Variants in TTLL5 observed in about 807,000 individuals in gnomAD.
The protein encoded by TTLL5 is tubulin polyglutamylase TTLL5.
Under a neutral mutation model 168.4 loss-of-function variants are expected in TTLL5, and 132 were observed. That is an observed-to-expected ratio of 0.78 (90% CI 0.68 to 0.91). The LOEUF is 0.91. Ranked by LOEUF, TTLL5 falls within the 40% of genes least tolerant of loss-of-function variation. TTLL5 has a pLI of 0.00. For synonymous variants in TTLL5, 546 were observed against 558.6 expected (o/e 0.98, Z 0.32); for missense variants, 1,545 against 1,581.5 (o/e 0.98, Z 0.39).
chr14:75,921,511 G>T (rs962987071), intron 31 of TTLL5, among the ~76,000 whole-genome samples: 1 of 152,132 alleles, frequency 6.6e-6, no homozygotes, highest in Non-Finnish European at 1.5e-5. Flanking sequence ...TTTTTGTCAG[G>T]TTTGTCAAAG....
chr14:75,759,512 T>C (rs145396332), intron 18 of TTLL5, among the ~76,000 whole-genome samples: 106 of 152,244 alleles, frequency 7.0e-4, no homozygotes, highest in African/African-American at 2.3e-3. Flanking sequence ...GAAGGGACAC[T>C]TCCCAGTTCA....
At chr14:75,799,676 C>A (rs183403355) in intron 27 of TTLL5, among the ~76,000 whole-genome samples, 196 of 152,246 alleles carry the variant, frequency 1.3e-3, no homozygotes, top group African/African-American at 4.6e-3. Flanking sequence ...GTGGCTAATT[C>A]TCTCAGCATT....
chr14:75,695,699 G>A (rs1355245653), intron 6 of TTLL5, among the ~76,000 whole-genome samples: 2 of 152,044 alleles, frequency 1.3e-5, no homozygotes, highest in East Asian at 3.9e-4. Flanking sequence ...TGAAATATTG[G>A]GGGTGGTTCC....
intron 26 of TTLL5, 57 bp from the exon 27 acceptor site, chr14:75,792,859 A>C: frequency 6.8e-7 from 1 of 1,464,796 alleles, no homozygotes; most frequent in South Asian, 1.5e-5. Flanking sequence ...TCATTATCCT[A>C]ATTTTTTTCA....
At chr14:75,672,172 T>G (rs572207648) in intron 3 of TTLL5, among the ~76,000 whole-genome samples, 1 of 152,332 alleles carries the variant, frequency 6.6e-6, no homozygotes, top group East Asian at 1.9e-4. Context: ...ACTTTTTGTG[T>G]CTTGAACCTC....
chr14:75,898,322 C>T (rs572169467), intron 30 of TTLL5, among the ~76,000 whole-genome samples: 17 of 152,316 alleles, frequency 1.1e-4, no homozygotes, highest in African/African-American at 3.8e-4. Context: ...GGGCATCCCA[C>T]TGCACTCTTA....
chr14:75,794,595 C>T (rs563338744), intron 27 of TTLL5, among the ~76,000 whole-genome samples: 44 of 152,276 alleles, frequency 2.9e-4, no homozygotes, highest in African/African-American at 1.0e-3. Context: ...GGGAAGTCAT[C>T]CCCCTTCAGT....
intron 27 of TTLL5, among the ~76,000 whole-genome samples, chr14:75,804,791 G>A (rs1351793353): frequency 1.3e-5 from 2 of 152,204 alleles, no homozygotes; most frequent in African/African-American, 4.8e-5. Flanking sequence ...GTAAAATGGG[G>A]TAGTTTTGGT....
chr14:75,933,545 C>T (rs1483217169), intron 31 of TTLL5, among the ~76,000 whole-genome samples: 1 of 152,226 alleles, frequency 6.6e-6, no homozygotes, highest in Admixed American at 6.5e-5. Flanking sequence ...CTCAAGGTCT[C>T]TCATGAAGTT....
chr14:75,822,579 T>A (rs1894891416), intron 28 of TTLL5, among the ~76,000 whole-genome samples: 1 of 152,202 alleles, frequency 6.6e-6, no homozygotes, highest in South Asian at 2.1e-4. Context: ...TCTCTGCATG[T>A]CAGAGAATTC....
chr14:75,940,378 C>T (rs1048804948), intron 31 of TTLL5, among the ~76,000 whole-genome samples: 1 of 151,894 alleles, frequency 6.6e-6, no homozygotes, highest in Admixed American at 6.6e-5. Context: ...CGCGCCCGGC[C>T]GAAATTAAAT....
chr14:75,807,546 A>T (rs1893728934), intron 27 of TTLL5, among the ~76,000 whole-genome samples: 1 of 152,260 alleles, frequency 6.6e-6, no homozygotes, highest in Admixed American at 6.5e-5. Flanking sequence ...AGGACTTTAT[A>T]TGCATTATCT....
At chr14:75,805,047 G>A (rs1893569667) in intron 27 of TTLL5, among the ~76,000 whole-genome samples, 1 of 152,048 alleles carries the variant, frequency 6.6e-6, no homozygotes, top group Non-Finnish European at 1.5e-5. Flanking sequence ...GTTGGCTCTA[G>A]TCTCCCTTCT....
At chr14:75,919,842 C>T (rs1023080571) in intron 31 of TTLL5, among the ~76,000 whole-genome samples, 2 of 151,846 alleles carry the variant, frequency 1.3e-5, no homozygotes, top group African/African-American at 4.8e-5. Flanking sequence ...AAGGACAAAC[C>T]GGGTGCAGTG....
At chr14:75,672,475 C>T (rs1883825498) in intron 3 of TTLL5, among the ~76,000 whole-genome samples, 1 of 151,878 alleles carries the variant, frequency 6.6e-6, no homozygotes, top group South Asian at 2.1e-4. Flanking sequence ...GAACTCCTGA[C>T]CTCATGATCC....
Position 75,681,092 on chromosome 14 carries a change from GA to G in TTLL5, c.182-450del, listed in dbSNP as rs201325751. ...ATATAGTAATCAGAATATTTTTTAAGAAATTGTGACATGTGCTTTTTTATTA... is the reference window on the plus strand; with the variant it reads ...ATATAGTAATCAGAATATTTTTTAAGAATTGTGACATGTGCTTTTTTATTA... On this transcript the variant is annotated intron_variant, in intron 3 of 31. Transcript: ENST00000298832. Among the ~76,000 whole-genome samples, 1,504 of 152,280 alleles carry G rather than the reference GA, an allele frequency of 9.9e-3. 26 individuals are homozygous for G. Among genetic ancestry groups the G allele is most frequent in the African/African-American group, 0.035 (1,449 of 41,554 alleles).
chr14:75,888,586 G>A lies in TTLL5; in HGVS notation c.3740+5684G>A, dbSNP rs144342546. ...CTTCTTTAAGGATGAGCAAATACTG[G>A]AATATCTTGGGGCCTGGCAATAGGT... On this transcript the variant is annotated intron_variant, in intron 30 of 31. Coordinates refer to ENST00000298832, the MANE Select transcript of TTLL5 (RefSeq NM_015072.5). Among the ~76,000 whole-genome samples the A allele has an allele frequency of 2.7e-3, 410 of 152,228 alleles. 2 individuals carry two copies. Among genetic ancestry groups the A allele is most frequent in the Admixed American group, 5.1e-3 (78 of 15,298 alleles).
At chr14:75,786,912 C>T (rs1234354233) in intron 26 of TTLL5, among the ~76,000 whole-genome samples, 5 of 152,118 alleles carry the variant, frequency 3.3e-5, no homozygotes, top group Non-Finnish European at 2.9e-5. Context: ...TTAGGCAGAT[C>T]GCTTGAGGTT....
rs139895060 is a variant in TTLL5 at position 75,869,148 on chromosome 14, C to G, written c.3522+5286C>G. Among the ~76,000 whole-genome samples the G allele has an allele frequency of 7.4e-3, 1,111 of 151,132 alleles. 12 individuals carry two copies. Among genetic ancestry groups the G allele is most frequent in the Non-Finnish European group, 0.01 (679 of 67,802 alleles). ...TTTTTGTTTGGTTGGTTCTTTTGTT[C>G]TATTTTATTTTCCCACTTGACTTTT... On this transcript the variant is annotated intron_variant, in intron 29 of 31. Coordinates refer to ENST00000298832, the MANE Select transcript of TTLL5 (RefSeq NM_015072.5).
Sources: gnomAD v4.1 joint callset for allele counts (sites outside exome capture counted in the v4.1 genomes callset) on GRCh38, gnomAD v4.1.1 for gene constraint, MANE v1.5 for transcripts, NCBI Gene and HGNC (gene_info 2026-07-23, HGNC 2026-07-21) for gene names.